STARD13: variants seen among roughly 807,000 people sequenced by gnomAD.
The protein encoded by STARD13 is StAR related lipid transfer domain containing 13.
In STARD13, 62 loss-of-function variants were observed where a neutral mutation model predicts 106.4. That is an observed-to-expected ratio of 0.58 (90% CI 0.48 to 0.72). The LOEUF is 0.72. STARD13 is among the 30% of genes least tolerant of loss of function. The pLI is 0.00. For missense variants in STARD13, 1,387 were observed against 1,424.0 expected, an observed-to-expected ratio of 0.97 and a Z score of 0.42; for synonymous variants, 565 against 553.0, an observed-to-expected ratio of 1.02 and a Z score of -0.31.
chr13:33,375,413 A>C, the STARD13 span, among the ~76,000 whole-genome samples: 1 of 152,210 alleles, frequency 6.6e-6, no homozygotes, highest in Non-Finnish European at 1.5e-5. Context: ...TATGCCTGTC[A>C]TCCCAGCATA....
intron 1 of STARD13, among the ~76,000 whole-genome samples, chr13:33,245,433 G>A (rs79143331): frequency 0.016 from 2,364 of 152,276 alleles, 59 homozygotes; most frequent in African/African-American, 0.054. Context: ...ACAACTTCTA[G>A]CTGTAATTGA....
At chr13:33,668,381 T>C in the STARD13 span, among the ~76,000 whole-genome samples, 1 of 152,206 alleles carries the variant, frequency 6.6e-6, no homozygotes, top group Admixed American at 6.5e-5. Context: ...GATGTCTTAG[T>C]TTCACTTCAC....
chr13:33,565,122 C>T, the STARD13 span, among the ~76,000 whole-genome samples: 4 of 146,250 alleles, frequency 2.7e-5, no homozygotes, highest in Non-Finnish European at 6.0e-5. Context: ...GAAATGGGCA[C>T]AAAAAGATGA....
the STARD13 span, among the ~76,000 whole-genome samples, chr13:33,643,658 A>G: frequency 1.3e-5 from 2 of 152,244 alleles, no homozygotes; most frequent in Non-Finnish European, 2.9e-5. Flanking sequence ...AGGTCAGCAT[A>G]CTTTCAGCTG....
intron 1 of STARD13, among the ~76,000 whole-genome samples, chr13:33,308,847 G>T (rs1428694786): frequency 4.6e-5 from 7 of 152,208 alleles, no homozygotes; most frequent in Non-Finnish European, 1.0e-4. Context: ...CTAGTCAGAT[G>T]TCTTGGCAAA....
intron 3 of STARD13, among the ~76,000 whole-genome samples, chr13:33,144,786 G>T (rs1304950994): frequency 6.6e-6 from 1 of 152,186 alleles, no homozygotes; most frequent in Non-Finnish European, 1.5e-5. Flanking sequence ...TTTAGGGGAG[G>T]ATTGCCTGTT....
chr13:33,398,972 A>C, the STARD13 span, among the ~76,000 whole-genome samples: 30,378 of 152,090 alleles, frequency 0.2, 4,373 homozygotes, highest in East Asian at 0.47. Flanking sequence ...TTTAAATAGC[A>C]TTAAGCTACA....
chr13:33,613,316 C>G, the STARD13 span, among the ~76,000 whole-genome samples: 1 of 152,092 alleles, frequency 6.6e-6, no homozygotes, highest in Non-Finnish European at 1.5e-5. Context: ...GAAGTGACAC[C>G]CGAAACTCTG....
chr13:33,210,029 G>T (rs1240315663), intron 1 of STARD13, among the ~76,000 whole-genome samples: 1 of 152,152 alleles, frequency 6.6e-6, no homozygotes, highest in Non-Finnish European at 1.5e-5. Flanking sequence ...TGCACAGAGT[G>T]GGTGTGCAGC....
downstream of STARD13, among the ~76,000 whole-genome samples, chr13:33,345,252 A>G (rs576519284): frequency 6.6e-6 from 1 of 152,314 alleles, no homozygotes; most frequent in South Asian, 2.1e-4. Flanking sequence ...TAAAGAGTGC[A>G]ATGGGATGAT....
intron 1 of STARD13, among the ~76,000 whole-genome samples, chr13:33,230,759 T>C (rs1411173673): frequency 6.6e-6 from 1 of 152,244 alleles, no homozygotes; most frequent in Non-Finnish European, 1.5e-5. Context: ...ATTTTATGTT[T>C]GAATGATTAA....
At chr13:33,166,938 G>A (rs867035831) in intron 2 of STARD13, among the ~76,000 whole-genome samples, 8 of 150,816 alleles carry the variant, frequency 5.3e-5, no homozygotes, top group South Asian at 2.1e-4. Flanking sequence ...AGGTTGCAGC[G>A]AGTGGAGATT....
chr13:33,253,635 T>G (rs1023856842), intron 1 of STARD13, among the ~76,000 whole-genome samples: 2 of 152,174 alleles, frequency 1.3e-5, no homozygotes, highest in Non-Finnish European at 2.9e-5. Flanking sequence ...AGGGATGCCT[T>G]CTCGGCCACC....
At chr13:33,617,815 C>T in the STARD13 span, among the ~76,000 whole-genome samples, 1 of 152,124 alleles carries the variant, frequency 6.6e-6, no homozygotes, top group Admixed American at 6.5e-5. Flanking sequence ...TTTCACAGAG[C>T]TTGTCACCTG....
At chr13:33,547,672 G>C in the STARD13 span, among the ~76,000 whole-genome samples, 2 of 152,196 alleles carry the variant, frequency 1.3e-5, no homozygotes, top group Admixed American at 6.5e-5. Flanking sequence ...TTGGCATTAA[G>C]TTCTTTTGAA....
the STARD13 span, among the ~76,000 whole-genome samples, chr13:33,535,500 T>C: frequency 6.6e-6 from 1 of 152,034 alleles, no homozygotes; most frequent in Non-Finnish European, 1.5e-5. Context: ...AATTGTATTT[T>C]AGTAACTTAA....
At chr13:33,530,307 T>C in the STARD13 span, among the ~76,000 whole-genome samples, 1 of 152,134 alleles carries the variant, frequency 6.6e-6, no homozygotes, top group Non-Finnish European at 1.5e-5. Flanking sequence ...AAATATCCCA[T>C]ACCAATTGCA....
the STARD13 span, among the ~76,000 whole-genome samples, chr13:33,358,641 C>T: frequency 2.1e-4 from 32 of 150,904 alleles, no homozygotes; most frequent in Non-Finnish European, 2.2e-4. Context: ...ATACACCAAT[C>T]GACACTCTGA....
the STARD13 span, among the ~76,000 whole-genome samples, chr13:33,526,268 T>C: frequency 6.6e-6 from 1 of 152,076 alleles, no homozygotes; most frequent in Non-Finnish European, 1.5e-5. Flanking sequence ...TTAGCTGGTG[T>C]TTTCTTTGGT....
Sources: allele counts gnomAD v4.1 joint callset (sites outside exome capture counted in the v4.1 genomes callset), GRCh38; gene constraint gnomAD v4.1.1; transcripts MANE v1.5; gene names NCBI Gene and HGNC (gene_info 2026-07-23, HGNC 2026-07-21).